Variants in MAP2 observed in about 807,000 individuals in gnomAD.
The protein encoded by MAP2 is microtubule-associated protein 2.
MAP2 carries 14 observed loss-of-function variants against 137.6 expected under a neutral mutation model. That is an observed-to-expected ratio of 0.10 (90% CI 0.07 to 0.16). The LOEUF is 0.16. Among genes scored for constraint, MAP2 ranks in the 10% least tolerant of loss-of-function variants. MAP2 has a pLI of 1.00. For synonymous variants in MAP2, 786 were observed against 782.3 expected, an observed-to-expected ratio of 1.00 and a Z score of -0.08; for missense variants, 2,088 against 2,191.5, an observed-to-expected ratio of 0.95 and a Z score of 0.94.
intron 3 of MAP2, among the ~76,000 whole-genome samples, chr2:209,622,106 C>G (rs149833109): frequency 1.3e-5 from 2 of 152,214 alleles, no homozygotes; most frequent in African/African-American, 4.8e-5. Context: ...TCATATCTGG[C>G]TCTAAAAGGT....
At chr2:209,459,285 G>A (rs577880115) in intron 1 of MAP2, among the ~76,000 whole-genome samples, 6 of 152,128 alleles carry the variant, frequency 3.9e-5, no homozygotes, top group Non-Finnish European at 8.8e-5. Context: ...TTTTGAGGTT[G>A]AATAGTGAGT....
intron 3 of MAP2, among the ~76,000 whole-genome samples, chr2:209,582,268 A>G (rs796092887): frequency 4.6e-5 from 7 of 152,156 alleles, no homozygotes; most frequent in African/African-American, 1.7e-4. Flanking sequence ...TATTCATTAC[A>G]TGTTTCTAAT....
At chr2:209,685,845 C>A (rs916655881) in intron 7 of MAP2, among the ~76,000 whole-genome samples, 2 of 152,128 alleles carry the variant, frequency 1.3e-5, no homozygotes, top group Non-Finnish European at 2.9e-5. Flanking sequence ...TGGCCAGAAT[C>A]TGCAAAAGGT....
At chr2:209,718,899 A>C (rs905239479) in intron 13 of MAP2, among the ~76,000 whole-genome samples, 2 of 152,210 alleles carry the variant, frequency 1.3e-5, no homozygotes, top group Admixed American at 6.5e-5. Context: ...GAAGAACATC[A>C]TGTGTGCCAG....
At chr2:209,677,351 T>C (rs1036012733) in intron 5 of MAP2, among the ~76,000 whole-genome samples, 1 of 151,836 alleles carries the variant, frequency 6.6e-6, no homozygotes, top group African/African-American at 2.4e-5. Flanking sequence ...TATAGGTAGG[T>C]AGGCAGGCAG....
Position 209,731,773 on chromosome 2 carries a change from G to C in MAP2, c.*1376G>C, listed in dbSNP as rs547116203. On this transcript the variant is annotated 3_prime_UTR_variant, in exon 16 of 16. Transcript: ENST00000682079. ...TTCTTACCCAAAGTAAAGATCCCCT[G>C]ATCAGAAAGAAAAAATACAATACTT... is the stretch of plus-strand genomic sequence containing the variant. 3 of 152,052 alleles carry C rather than the reference G, an allele frequency of 2.0e-5. No homozygotes were observed. The highest frequency in any genetic ancestry group is 4.8e-5 in the African/African-American group (2 of 41,490). The allele number at this position is 152,052 out of a possible 1,614,324, so 9.4% of individuals were successfully genotyped here.
At chr2:209,647,113 G>A (rs1367878318) in intron 4 of MAP2, among the ~76,000 whole-genome samples, 5 of 152,090 alleles carry the variant, frequency 3.3e-5, no homozygotes, top group Non-Finnish European at 2.9e-5. Context: ...AAGACAGAGT[G>A]AGGAGCCACA....
At chr2:209,473,589 T>G (rs976823500) in intron 1 of MAP2, among the ~76,000 whole-genome samples, 1 of 152,042 alleles carries the variant, frequency 6.6e-6, no homozygotes, top group Non-Finnish European at 1.5e-5. Context: ...AATTTAAAAT[T>G]TTATACTTAG....
At chr2:209,445,053 A>G (rs1167184238) in intron 1 of MAP2, among the ~76,000 whole-genome samples, 2 of 151,492 alleles carry the variant, frequency 1.3e-5, no homozygotes, top group Non-Finnish European at 3.0e-5. Context: ...ATTTAGTTGT[A>G]ATTCTCTTGA....
chr2:209,442,940 A>G (rs1574965188), intron 1 of MAP2, among the ~76,000 whole-genome samples: 1 of 151,610 alleles, frequency 6.6e-6, no homozygotes. Flanking sequence ...TCTGAAATAT[A>G]GCATTTGATT....
chr2:209,568,215 AG>A (rs2073823634), intron 2 of MAP2, among the ~76,000 whole-genome samples: 1 of 151,984 alleles, frequency 6.6e-6, no homozygotes, highest in South Asian at 2.1e-4. Context: ...CCATCACCCT[AG>A]GGTACACTGT....
At position 209,688,943 on chromosome 2, in the gene MAP2, C is replaced by T. The variant is rs151053407; in HGVS notation, c.455-3682C>T. Among the ~76,000 whole-genome samples, 28 of 152,050 alleles carry T rather than the reference C, an allele frequency of 1.8e-4. No homozygotes were observed. The East Asian group carries it at 5.2e-3, about 28-fold the overall frequency. Reference sequence around the variant, plus strand: ...AGGTTCTCTGATAAAGAAATATAACCCCTATTAAGTGAAACTAAGTTCTTC... The same window carrying T: ...AGGTTCTCTGATAAAGAAATATAACTCCTATTAAGTGAAACTAAGTTCTTC... On this transcript the variant is annotated intron_variant, in intron 7 of 15. Transcript: ENST00000682079.
At chr2:209,670,725 C>A (rs1159809296) in intron 5 of MAP2, among the ~76,000 whole-genome samples, 1 of 151,890 alleles carries the variant, frequency 6.6e-6, no homozygotes, top group Non-Finnish European at 1.5e-5. Flanking sequence ...ACTGTACTCA[C>A]AATCCTAGTC....
At chr2:209,575,713 A>G (rs1170152032) in intron 2 of MAP2, among the ~76,000 whole-genome samples, 1 of 152,146 alleles carries the variant, frequency 6.6e-6, no homozygotes, top group Admixed American at 6.5e-5. Context: ...TTTAAAAAAC[A>G]TGTTTGAGTG....
chr2:209,697,273 G>A (rs1405775193), intron 10 of MAP2, among the ~76,000 whole-genome samples: 1 of 152,052 alleles, frequency 6.6e-6, no homozygotes, highest in Non-Finnish European at 1.5e-5. Context: ...ACATAACAGT[G>A]CGTGATTGTA....
rs780443945 is a variant in MAP2, at chr2:209,695,848, A to T, written c.3678A>T (p.Val1226=). ...DVAEPLHETI[V]SEPAEIQSEE... Reference sequence around the variant, plus strand: ...CAGAGCCATTGCATGAAACGATCGTATCTGAACCAGCAGAGATTCAGAGTG... The same window carrying T: ...CAGAGCCATTGCATGAAACGATCGTTTCTGAACCAGCAGAGATTCAGAGTG... The change falls in exon 8 of 16, where the codon GTA becomes GTT. Residue 1226 remains valine, a synonymous_variant. Coordinates refer to ENST00000682079, the MANE Select transcript of MAP2 (RefSeq NM_001375505.1). 6 of 1,613,988 alleles carry T rather than the reference A, an allele frequency of 3.7e-6. No homozygotes were observed. The Admixed American group carries it at 1.0e-4, about 27-fold the overall frequency.
At position 209,461,255 on chromosome 2, in the gene MAP2, G is replaced by A. The variant is rs376242934; in HGVS notation, c.-222+36979G>A. On this transcript the variant is annotated intron_variant, in intron 1 of 15. Coordinates refer to ENST00000682079, the MANE Select transcript of MAP2 (RefSeq NM_001375505.1). ...ATGAACTACATGACTACTTACATTT[G>A]AGTTAAATAAATGTAATAAAATTTG... is the stretch of plus-strand genomic sequence containing the variant. Among the ~76,000 whole-genome samples, 56 of 152,220 alleles carry A rather than the reference G, an allele frequency of 3.7e-4. 1 individual carries two copies. Among genetic ancestry groups the A allele is most frequent in the African/African-American group, 1.3e-3 (55 of 41,524 alleles).
intron 2 of MAP2, among the ~76,000 whole-genome samples, chr2:209,576,929 T>C: frequency 6.6e-6 from 1 of 152,228 alleles, no homozygotes; most frequent in South Asian, 2.1e-4. Flanking sequence ...CATTCTCATG[T>C]ACTGAACTAG....
intron 1 of MAP2, among the ~76,000 whole-genome samples, chr2:209,454,460 C>G (rs1375609571): frequency 6.6e-6 from 1 of 151,962 alleles, no homozygotes; most frequent in Non-Finnish European, 1.5e-5. Flanking sequence ...CTCAGCCTCC[C>G]GAGTAGCTGG....
Sources: allele counts gnomAD v4.1 joint callset (sites outside exome capture counted in the v4.1 genomes callset), GRCh38; gene constraint gnomAD v4.1.1; transcripts MANE v1.5; gene names NCBI Gene and HGNC (gene_info 2026-07-23, HGNC 2026-07-21).